SAMTOR: variants seen among roughly 807,000 people sequenced by gnomAD.
SAMTOR encodes the protein UPF0532 protein C7orf60.
the SAMTOR span, chr7:112,935,275 A>G: frequency 2.4e-6 from 1 of 424,846 alleles, no homozygotes; most frequent in Non-Finnish European, 4.6e-6. Context: ...CTGAGGAAAA[A>G]AAATAAGAAA....
At chr7:112,885,673 A>T in the SAMTOR span, among the ~76,000 whole-genome samples, 1 of 152,126 alleles carries the variant, frequency 6.6e-6, no homozygotes, top group Non-Finnish European at 1.5e-5. Flanking sequence ...AGTCTTTAGG[A>T]AGTTCCAAAC....
chr7:112,882,600 A>C, the SAMTOR span, among the ~76,000 whole-genome samples: 1 of 151,934 alleles, frequency 6.6e-6, no homozygotes, highest in Admixed American at 6.6e-5. Context: ...GAGGCAGGAG[A>C]ATAGCCTGAA....
At chr7:112,902,443 A>AAAC in the SAMTOR span, among the ~76,000 whole-genome samples, 2 of 134,548 alleles carry the variant, frequency 1.5e-5, no homozygotes, top group African/African-American at 5.7e-5. Flanking sequence ...AAAAAACAAA[A>AAAC]AAAAACAAAA....
the SAMTOR span, chr7:112,832,620 G>A: frequency 1.2e-6 from 2 of 1,613,270 alleles, no homozygotes; most frequent in African/African-American, 2.7e-5. Flanking sequence ...TTCAGAAATG[G>A]GTTAAAGCAG....
the SAMTOR span, among the ~76,000 whole-genome samples, chr7:112,911,204 A>G: frequency 6.6e-6 from 1 of 152,282 alleles, no homozygotes; most frequent in East Asian, 1.9e-4. Context: ...AGGTCTATTT[A>G]TGAGTATGTG....
the SAMTOR span, among the ~76,000 whole-genome samples, chr7:112,930,064 T>C: frequency 6.6e-6 from 1 of 152,244 alleles, no homozygotes; most frequent in South Asian, 2.1e-4. Context: ...GACTTAGGCA[T>C]ATTGCCAAAT....
At chr7:112,915,106 T>C in the SAMTOR span, among the ~76,000 whole-genome samples, 2 of 151,740 alleles carry the variant, frequency 1.3e-5, no homozygotes, top group African/African-American at 4.8e-5. Context: ...GGCACAGTGG[T>C]GGGTGCCTAT....
chr7:112,839,535 T>A, the SAMTOR span, among the ~76,000 whole-genome samples: 2 of 151,844 alleles, frequency 1.3e-5, no homozygotes, highest in African/African-American at 2.4e-5. Context: ...AGATCAAACA[T>A]CACTGAAAAT....
the SAMTOR span, among the ~76,000 whole-genome samples, chr7:112,894,503 G>T: frequency 6.6e-6 from 1 of 152,118 alleles, no homozygotes; most frequent in African/African-American, 2.4e-5. Flanking sequence ...AATTTATAAA[G>T]AAAAAGAGGT....
the SAMTOR span, among the ~76,000 whole-genome samples, chr7:112,826,176 C>CATGA: frequency 6.6e-6 from 1 of 151,980 alleles, no homozygotes; most frequent in Non-Finnish European, 1.5e-5. Flanking sequence ...GAGTAATGGC[C>CATGA]TCATAGAATG....
the SAMTOR span, among the ~76,000 whole-genome samples, chr7:112,928,692 A>C: frequency 6.6e-6 from 1 of 152,100 alleles, no homozygotes; most frequent in Admixed American, 6.5e-5. Context: ...CAGTCACTCA[A>C]AAGCAGAATT....
the SAMTOR span, chr7:112,821,601 T>C: frequency 1.4e-6 from 1 of 728,754 alleles, no homozygotes; most frequent in East Asian, 2.8e-5. Flanking sequence ...AATTGAGAAG[T>C]AGAAAAAAAT....
At chr7:112,880,233 A>ACG in the SAMTOR span, among the ~76,000 whole-genome samples, 2 of 152,166 alleles carry the variant, frequency 1.3e-5, no homozygotes, top group Non-Finnish European at 1.5e-5. Context: ...GAACCTTATA[A>ACG]TCATCACTAT....
At chr7:112,897,818 T>C in the SAMTOR span, among the ~76,000 whole-genome samples, 9 of 152,138 alleles carry the variant, frequency 5.9e-5, no homozygotes, top group Non-Finnish European at 1.0e-4. Flanking sequence ...GAATATCAAA[T>C]TGAGTAACTA....
the SAMTOR span, among the ~76,000 whole-genome samples, chr7:112,829,984 G>A: frequency 6.6e-6 from 1 of 151,988 alleles, no homozygotes; most frequent in African/African-American, 2.4e-5. Flanking sequence ...GTATTCAAAG[G>A]GGACCTTTTG....
chr7:112,835,300 C>T, the SAMTOR span, among the ~76,000 whole-genome samples: 1 of 152,032 alleles, frequency 6.6e-6, no homozygotes, highest in African/African-American at 2.4e-5. Flanking sequence ...CTCCTATCAC[C>T]CACCTACCCA....
At chr7:112,831,275 A>T in the SAMTOR span, among the ~76,000 whole-genome samples, 1 of 152,208 alleles carries the variant, frequency 6.6e-6, no homozygotes, top group African/African-American at 2.4e-5. Context: ...TCTTTTTCTG[A>T]TATAAATAAT....
chr7:112,830,082 C>A, the SAMTOR span, among the ~76,000 whole-genome samples: 2 of 151,978 alleles, frequency 1.3e-5, no homozygotes, highest in Non-Finnish European at 2.9e-5. Context: ...CTAGGACTCT[C>A]AACTCCCTAG....
chr7:112,839,765 A>T, the SAMTOR span, among the ~76,000 whole-genome samples: 1 of 151,922 alleles, frequency 6.6e-6, no homozygotes, highest in Non-Finnish European at 1.5e-5. Context: ...TGAAGTGTTA[A>T]TAAATTTCAT....
Sources: gnomAD v4.1 joint callset for allele counts (sites outside exome capture counted in the v4.1 genomes callset) on GRCh38, gnomAD v4.1.1 for gene constraint, MANE v1.5 for transcripts, NCBI Gene and HGNC (gene_info 2026-07-23, HGNC 2026-07-21) for gene names.